Variants in CNTNAP3B observed in about 807,000 individuals in gnomAD.
CNTNAP3B encodes contactin associated protein family member 3B, also known as contactin-associated protein-like 3B.
CNTNAP3B carries 25 observed loss-of-function variants against 108.9 expected under a neutral mutation model. That is an observed-to-expected ratio of 0.23 (90% CI 0.17 to 0.32). CNTNAP3B has a LOEUF of 0.32. Ranked by LOEUF, CNTNAP3B falls within the 10% of genes least tolerant of loss-of-function variation. The pLI is 1.00. For synonymous variants in CNTNAP3B, 103 were observed against 473.4 expected (o/e 0.22, Z 10.16); for missense variants, 252 against 1,210.4 (o/e 0.21, Z 11.75).
chr9:42,041,430 T>C (rs1212510100), intron 3 of CNTNAP3B, among the ~76,000 whole-genome samples: 1 of 151,288 alleles, frequency 6.6e-6, no homozygotes, highest in Non-Finnish European at 1.5e-5. Context: ...GGGCAAAGGA[T>C]ATGAACAGAC....
chr9:42,127,214 G>T lies in CNTNAP3B; in HGVS notation c.85+1796C>A, dbSNP rs142398978. 5.9e-3 allele frequency among the ~76,000 whole-genome samples: 814 copies of T among 138,414 alleles called. 172 individuals carry two copies. The highest frequency in any genetic ancestry group is 0.021 in the African/African-American group (723 of 34,656). The allele number at this position is 138,414 out of a possible 152,430, so 90.8% of individuals were successfully genotyped here. A position where few individuals can be genotyped will look rare whatever the true frequency, so the allele number is the denominator to read the frequency against. On this transcript the variant is annotated intron_variant, in intron 1 of 23. Coordinates refer to ENST00000377561, the MANE Select transcript of CNTNAP3B (RefSeq NM_001201380.3). Reference sequence around the variant, plus strand: ...AATTTTACGTGTCACTCAGCAACTCGCGAGAGTCCCGTCTGGTGCTGAGTC... The same window carrying T: ...AATTTTACGTGTCACTCAGCAACTCTCGAGAGTCCCGTCTGGTGCTGAGTC...
rs1157033515 is a variant in CNTNAP3B, at chr9:41,993,615, A to G, written c.1072-1744T>C. 1.9e-5 allele frequency: 2 copies of G among 102,660 alleles called. 1 individual carries two copies. The highest frequency in any genetic ancestry group is 4.1e-5 in the Non-Finnish European group (2 of 48,634). 6.4% of individuals were successfully genotyped at this position (102,660 alleles called of 1,614,324 possible). ...ATTACATATTTTTTATCTTTTTATCAGCTGTATATTTCTTGACCTCATCAT... is the reference window on the plus strand; with the variant it reads ...ATTACATATTTTTTATCTTTTTATCGGCTGTATATTTCTTGACCTCATCAT... On this transcript the variant is annotated intron_variant, in intron 7 of 23. Coordinates refer to ENST00000377561, the MANE Select transcript of CNTNAP3B (RefSeq NM_001201380.3).
intron 13 of CNTNAP3B, among the ~76,000 whole-genome samples, chr9:41,945,996 G>A (rs1458000072): frequency 1.3e-5 from 2 of 152,394 alleles, no homozygotes; most frequent in East Asian, 1.9e-4. Flanking sequence ...ATGAAAAAGG[G>A]CATTACACAA....
intron 9 of CNTNAP3B, among the ~76,000 whole-genome samples, chr9:41,973,159 G>T (rs1169749738): frequency 7.0e-6 from 1 of 143,148 alleles, no homozygotes; most frequent in Non-Finnish European, 1.5e-5. Context: ...ATATTAGCCA[G>T]GATGGTTTTG....
chr9:42,094,133 G>A lies in CNTNAP3B; in HGVS notation c.196+10496C>T, dbSNP rs1319214727. Among the ~76,000 whole-genome samples, 2 of 138,436 alleles carry A rather than the reference G, an allele frequency of 1.4e-5. 1 individual carries two copies. The highest frequency in any genetic ancestry group is 5.7e-5 in the African/African-American group (2 of 34,828). The allele number at this position is 138,436 out of a possible 152,430, so 90.8% of individuals were successfully genotyped here. ...TAGCACCCTTCCTTCAAGGAAGTTAGAATTGCACAAAGCGTAAGAAAAGCA... is the reference window on the plus strand; with the variant it reads ...TAGCACCCTTCCTTCAAGGAAGTTAAAATTGCACAAAGCGTAAGAAAAGCA... On this transcript the variant is annotated intron_variant, in intron 2 of 23. Transcript: ENST00000377561.
intron 14 of CNTNAP3B, among the ~76,000 whole-genome samples, chr9:41,929,985 T>A (rs62536548): frequency 6.6e-3 from 1,004 of 151,962 alleles, no homozygotes; most frequent in Non-Finnish European, 8.7e-3. Flanking sequence ...CCTTCTAAAA[T>A]TGTCTTAGAA....
chr9:41,937,931 GTTAA>G (rs1180114253), intron 14 of CNTNAP3B: 6 of 328,552 alleles, frequency 1.8e-5, no homozygotes, highest in Middle Eastern at 9.6e-4. Flanking sequence ...TGAATACTAC[GTTAA>G]TTAATTAACT....
At chr9:42,111,514 C>A (rs1217140729) in intron 1 of CNTNAP3B, among the ~76,000 whole-genome samples, 1 of 137,976 alleles carries the variant, frequency 7.2e-6, no homozygotes, top group Non-Finnish European at 1.5e-5. Flanking sequence ...CAGAGCTGCC[C>A]AAGAATGAGG....
chr9:42,116,694 A>G (rs1828326267), intron 1 of CNTNAP3B, among the ~76,000 whole-genome samples: 1 of 139,982 alleles, frequency 7.1e-6, no homozygotes, highest in Non-Finnish European at 1.5e-5. Flanking sequence ...AAATGTAAAT[A>G]GGCTAAATCC....
chr9:41,933,097 A>G (rs1490597856), intron 14 of CNTNAP3B, among the ~76,000 whole-genome samples: 1 of 152,262 alleles, frequency 6.6e-6, no homozygotes, highest in African/African-American at 2.4e-5. Flanking sequence ...CAATCCACAC[A>G]AGTAAAAACA....
In CNTNAP3B at chr9:42,014,572, C is replaced by T. The variant is rs565475349; in HGVS notation, c.391-1047G>A. On this transcript the variant is annotated intron_variant, in intron 3 of 23. Transcript: ENST00000377561. ...TTGGGAGGCCAAGTCGGACAGATCA[C>T]GAGGTCAGGAGATCGAGATCATCCT... 2.0e-3 allele frequency among the ~76,000 whole-genome samples: 234 copies of T among 117,176 alleles called. 1 individual carries two copies. The highest frequency in any genetic ancestry group is 7.9e-3 in the African/African-American group (228 of 28,976). 76.9% of individuals were successfully genotyped at this position (117,176 alleles called of 152,430 possible).
chr9:41,988,238 ATTTTTTTTTTTT>A lies in CNTNAP3B; in HGVS notation c.1334-1939_1334-1928del, dbSNP rs1209677991. ...TTTCTGTGCCTTTTACCTTCTTTGA[ATTTTTTTTTTTT>A]TTTTTTTTTTTTTTTTGAGATGGAG... On this transcript the variant is annotated intron_variant, in intron 8 of 23. Transcript: ENST00000377561. Among the ~76,000 whole-genome samples, 10 of 25,884 alleles carry A rather than the reference ATTTTTTTTTTTT, an allele frequency of 3.9e-4. 1 individual carries two copies. The highest frequency in any genetic ancestry group is 5.8e-4 in the African/African-American group (5 of 8,620). The allele number at this position is 25,884 out of a possible 152,430, so 17.0% of individuals were successfully genotyped here.
chr9:42,097,189 T>TA lies in CNTNAP3B; in HGVS notation c.196+7439dup, dbSNP rs1376803476. 9.3e-5 allele frequency among the ~76,000 whole-genome samples: 13 copies of TA among 140,416 alleles called. 2 individuals are homozygous for TA. The highest frequency in any genetic ancestry group is 7.7e-4 in the Admixed American group (11 of 14,208). The allele number at this position is 140,416 out of a possible 152,430, so 92.1% of individuals were successfully genotyped here. A position where few individuals can be genotyped will look rare whatever the true frequency, so the allele number is the denominator to read the frequency against. On this transcript the variant is annotated intron_variant, in intron 2 of 23. Transcript: ENST00000377561. ...ATTCTATGGTTATTCCAGAAAATAT[T>TA]AGATTATCCCCGTTTTGTTTGAAAA...
intron 3 of CNTNAP3B, among the ~76,000 whole-genome samples, chr9:42,040,255 G>T (rs1472284203): frequency 3.7e-5 from 3 of 80,856 alleles, no homozygotes; most frequent in South Asian, 4.1e-4. Flanking sequence ...GCAGGAGAAA[G>T]AAATAAAGAG....
intron 2 of CNTNAP3B, among the ~76,000 whole-genome samples, chr9:42,096,006 C>T (rs1454189214): frequency 7.2e-6 from 1 of 138,580 alleles, no homozygotes; most frequent in Non-Finnish European, 1.5e-5. Context: ...CTCCCTCTGC[C>T]AGACCTCAGG....
chr9:41,961,167 A>T (rs1339345251), intron 11 of CNTNAP3B, among the ~76,000 whole-genome samples: 1 of 152,310 alleles, frequency 6.6e-6, no homozygotes, highest in Non-Finnish European at 1.5e-5. Context: ...GTCACAGTGT[A>T]TTTCTATTTT....
At chr9:41,941,413 A>G (rs1824338632) in intron 13 of CNTNAP3B, among the ~76,000 whole-genome samples, 1 of 150,652 alleles carries the variant, frequency 6.6e-6, no homozygotes, top group Admixed American at 6.6e-5. Flanking sequence ...ATCTCATAAA[A>G]TAGACTTCAG....
chr9:41,962,751 C>G (rs1474488041), intron 11 of CNTNAP3B, among the ~76,000 whole-genome samples: 1 of 151,598 alleles, frequency 6.6e-6, no homozygotes, highest in African/African-American at 2.4e-5. Context: ...GTCAGGAGAT[C>G]GAGACCATCC....
intron 14 of CNTNAP3B, among the ~76,000 whole-genome samples, chr9:41,932,050 G>A (rs1458481745): frequency 1.1e-4 from 16 of 152,078 alleles, no homozygotes; most frequent in African/African-American, 3.1e-4. Context: ...GATAGCCAGT[G>A]TTTTTCACCA....
Sources: allele counts gnomAD v4.1 joint callset (sites outside exome capture counted in the v4.1 genomes callset), GRCh38; gene constraint gnomAD v4.1.1; transcripts MANE v1.5; gene names NCBI Gene and HGNC (gene_info 2026-07-23, HGNC 2026-07-21).